The following GNA14 variants were observed in gnomAD, a reference collection of about 807,000 sequenced individuals.
GNA14 encodes the protein guanine nucleotide-binding protein subunit alpha-14.
A neutral mutation model predicts 42.0 loss-of-function variants in GNA14; 50 were observed. That is an observed-to-expected ratio of 1.19 (90% CI 0.95 to 1.51). The LOEUF is 1.51. Among genes scored for constraint, GNA14 ranks in the 40% most tolerant of loss-of-function variants. The pLI is 0.00. For synonymous variants in GNA14, 173 were observed against 163.1 expected, an observed-to-expected ratio of 1.06 and a Z score of -0.46; for missense variants, 473 against 446.2, an observed-to-expected ratio of 1.06 and a Z score of -0.54.
intron 2 of GNA14, among the ~76,000 whole-genome samples, chr9:77,450,366 C>A (rs1380592578): frequency 6.6e-6 from 1 of 152,128 alleles, no homozygotes; most frequent in Non-Finnish European, 1.5e-5. Flanking sequence ...AGACCGTAAT[C>A]CTCATCTTCA....
intron 2 of GNA14, among the ~76,000 whole-genome samples, chr9:77,527,747 C>T (rs888664995): frequency 5.3e-5 from 8 of 152,192 alleles, no homozygotes; most frequent in African/African-American, 1.9e-4. Context: ...GATTCTCCTG[C>T]CTCAGCTTCC....
intron 2 of GNA14, among the ~76,000 whole-genome samples, chr9:77,483,259 T>C (rs913495802): frequency 3.9e-5 from 6 of 152,190 alleles, no homozygotes; most frequent in African/African-American, 1.4e-4. Context: ...TGTTTGTTAG[T>C]TTTCCTTCTA....
At chr9:77,452,549 A>AGTGTGTGTGT (rs200313599) in intron 2 of GNA14, among the ~76,000 whole-genome samples, 1 of 55,154 alleles carries the variant, frequency 1.8e-5, no homozygotes, top group Non-Finnish European at 3.2e-5. Flanking sequence ...ACTGCACACA[A>AGTGTGTGTGT]GTGTGTGTGT....
chr9:77,445,449 A>T (rs1050395622), intron 2 of GNA14, among the ~76,000 whole-genome samples: 46 of 151,200 alleles, frequency 3.0e-4, no homozygotes, highest in African/African-American at 1.1e-3. Context: ...AAGGTGGCTC[A>T]TGCCTGTAAT....
At chr9:77,581,285 G>A (rs1462607812) in intron 1 of GNA14, among the ~76,000 whole-genome samples, 4 of 152,158 alleles carry the variant, frequency 2.6e-5, no homozygotes, top group Admixed American at 1.3e-4. Flanking sequence ...ATTATGTTTG[G>A]AATCAGTTCT....
At chr9:77,453,392 T>G (rs1232357133) in intron 2 of GNA14, among the ~76,000 whole-genome samples, 1 of 152,214 alleles carries the variant, frequency 6.6e-6, no homozygotes, top group African/African-American at 2.4e-5. Flanking sequence ...AGACAGATAT[T>G]AGTCTCTTTT....
In GNA14 at chr9:77,554,578, T is replaced by C. The variant is rs562547387; in HGVS notation, c.125-25325A>G. On this transcript the variant is annotated intron_variant, in intron 1 of 6. Transcript: ENST00000341700. Reference sequence around the variant, plus strand: ...TTTGATACTAAAGTCATCCACTTTATATAAATTTAAAAATACTATTAATAC... The same window carrying C: ...TTTGATACTAAAGTCATCCACTTTACATAAATTTAAAAATACTATTAATAC... 4.6e-5 allele frequency among the ~76,000 whole-genome samples: 7 copies of C among 152,332 alleles called. No homozygotes were observed. In the South Asian group the frequency reaches 6.2e-4, roughly 14 times the overall value.
At chr9:77,603,964 A>C (rs1490904217) in intron 1 of GNA14, among the ~76,000 whole-genome samples, 104 of 141,444 alleles carry the variant, frequency 7.4e-4, no homozygotes, top group African/African-American at 1.8e-3. Context: ...AACAAAAAAA[A>C]AAAAAAAAAA....
At chr9:77,626,111 C>T (rs1262658409) in intron 1 of GNA14, among the ~76,000 whole-genome samples, 2 of 151,266 alleles carry the variant, frequency 1.3e-5, no homozygotes, top group African/African-American at 4.9e-5. Context: ...ATAAAACAGA[C>T]TTTAAATCAA....
chr9:77,633,172 T>A (rs1017010985), intron 1 of GNA14, among the ~76,000 whole-genome samples: 4 of 152,096 alleles, frequency 2.6e-5, no homozygotes, highest in African/African-American at 7.2e-5. Flanking sequence ...GCACTATTTT[T>A]AAAAAGAAAT....
At chr9:77,435,272 G>A (rs1000406994) in intron 2 of GNA14, among the ~76,000 whole-genome samples, 2 of 151,940 alleles carry the variant, frequency 1.3e-5, no homozygotes, top group Admixed American at 6.6e-5. Flanking sequence ...CAGGAGAATC[G>A]CTTGAACCCA....
At chr9:77,640,958 G>A (rs1824249142) in intron 1 of GNA14, among the ~76,000 whole-genome samples, 1 of 148,070 alleles carries the variant, frequency 6.8e-6, no homozygotes, top group East Asian at 2.0e-4. Flanking sequence ...TGCACAAGTC[G>A]GGTATGATTT....
At chr9:77,609,379 T>C (rs1470819955) in intron 1 of GNA14, among the ~76,000 whole-genome samples, 2 of 152,202 alleles carry the variant, frequency 1.3e-5, no homozygotes, top group Non-Finnish European at 2.9e-5. Flanking sequence ...TCTACAAAGA[T>C]GGTGGTTTTC....
At chr9:77,570,600 A>C (rs1823044927) in intron 1 of GNA14, among the ~76,000 whole-genome samples, 1 of 152,166 alleles carries the variant, frequency 6.6e-6, no homozygotes, top group Non-Finnish European at 1.5e-5. Context: ...ATAATATTCT[A>C]TTATGGCTAT....
intron 2 of GNA14, among the ~76,000 whole-genome samples, chr9:77,474,488 A>G (rs1294282182): frequency 1.3e-5 from 2 of 152,236 alleles, no homozygotes; most frequent in African/African-American, 4.8e-5. Flanking sequence ...GTCACCAAAA[A>G]GATAGACAAT....
chr9:77,554,443 A>T (rs994646844), intron 1 of GNA14, among the ~76,000 whole-genome samples: 1 of 152,212 alleles, frequency 6.6e-6, no homozygotes, highest in Non-Finnish European at 1.5e-5. Flanking sequence ...ATTTTTGTTA[A>T]AAGTTTTTTT....
At chr9:77,626,410 C>G (rs1373697718) in intron 1 of GNA14, among the ~76,000 whole-genome samples, 2 of 152,158 alleles carry the variant, frequency 1.3e-5, no homozygotes, top group Non-Finnish European at 2.9e-5. Context: ...ACAGAACTCT[C>G]CACCCCAAAT....
intron 1 of GNA14, among the ~76,000 whole-genome samples, chr9:77,601,377 A>G (rs932366309): frequency 2.0e-5 from 3 of 152,232 alleles, no homozygotes; most frequent in Non-Finnish European, 4.4e-5. Flanking sequence ...CTCAAGATTA[A>G]TCAGACACTA....
intron 2 of GNA14, among the ~76,000 whole-genome samples, chr9:77,513,521 C>T (rs1587809877): frequency 1.3e-5 from 2 of 152,350 alleles, no homozygotes; most frequent in East Asian, 3.9e-4. Context: ...GAAGTATACA[C>T]AGTCCCTGCC....
Sources: gnomAD v4.1 joint callset for allele counts (sites outside exome capture counted in the v4.1 genomes callset) on GRCh38, gnomAD v4.1.1 for gene constraint, MANE v1.5 for transcripts, NCBI Gene and HGNC (gene_info 2026-07-23, HGNC 2026-07-21) for gene names.